IL15RA: variants seen among roughly 807,000 people sequenced by gnomAD.
The protein encoded by IL15RA is interleukin-15 receptor subunit alpha.
A neutral mutation model predicts 24.2 loss-of-function variants in IL15RA; 26 were observed. That is an observed-to-expected ratio of 1.07 (90% CI 0.79 to 1.49). The LOEUF (loss-of-function observed/expected upper bound fraction) is 1.49. IL15RA is among the 40% of genes most tolerant of loss of function. IL15RA has a pLI of 0.00. For synonymous variants in IL15RA, 166 were observed against 157.6 expected (o/e 1.05, Z -0.40); for missense variants, 354 against 356.4 (o/e 0.99, Z 0.05).
At position 5,953,349 on chromosome 10, in the gene IL15RA, A is replaced by C. The variant is rs1188966055; in HGVS notation, c.693-143T>G. 4 of 724,770 alleles carry C rather than the reference A, an allele frequency of 5.5e-6. No individual in the cohort carries two copies. The highest frequency in any genetic ancestry group is 1.0e-5 in the Non-Finnish European group (4 of 391,726). The allele number at this position is 724,770 out of a possible 1,614,324, so 44.9% of individuals were successfully genotyped here. ...GCCCTGCCACGGGAGTCAGACAGAG[A>C]GCACTTAGTCCTCAGAGATGGAGAG... On this transcript the variant is annotated intron_variant, in intron 6 of 6. Transcript: ENST00000379977. The surrounding 1 kb of genome is among the most constrained non-coding windows in gnomAD (Gnocchi z 5.3).
At position 5,967,863 on chromosome 10, in the gene IL15RA, A is replaced by G. The variant is rs1836852255; in HGVS notation, c.89-1524T>C. On this transcript the variant is annotated intron_variant, in intron 1 of 6. Coordinates refer to ENST00000379977, the MANE Select transcript of IL15RA (RefSeq NM_002189.4). This position sits in a 1 kb window ranked among gnomAD's most constrained non-coding sequence, Gnocchi z 4.4. ...CACCTGAGGTCAGGAGTTCAGGACCAGCCTGGCTAACATGGTGAAAGCCCG... is the reference window on the plus strand; with the variant it reads ...CACCTGAGGTCAGGAGTTCAGGACCGGCCTGGCTAACATGGTGAAAGCCCG... Among the ~76,000 whole-genome samples, 1 of 152,152 alleles carries G rather than the reference A, an allele frequency of 6.6e-6. No individual in the cohort carries two copies. The highest frequency in any genetic ancestry group is 6.5e-5 in the Admixed American group (1 of 15,274).
rs1269461947 is a variant in IL15RA at position 5,964,910 on chromosome 10, C to G, written c.284-1069G>C. The stretch of plus-strand genomic sequence containing the variant: ...GTCCCCAGCGAGTGATTTCTTGGAA[C>G]AAGTCGGAGGCTTCCTCCCTGCCTT... On this transcript the variant is annotated intron_variant, in intron 2 of 6. Coordinates refer to ENST00000379977, the MANE Select transcript of IL15RA (RefSeq NM_002189.4). The surrounding 1 kb of genome is among the most constrained non-coding windows in gnomAD (Gnocchi z 5.6). Among the ~76,000 whole-genome samples, 1 of 152,222 alleles carries G rather than the reference C, an allele frequency of 6.6e-6. No individual in the cohort carries two copies. Among genetic ancestry groups the G allele is most frequent in the Non-Finnish European group, 1.5e-5 (1 of 68,046 alleles).
Position 5,960,611 on chromosome 10 carries a change from C to G in IL15RA, c.383-44G>C, listed in dbSNP as rs775991308. ...CAGGGACAACATCAGTGTGCAGACT[C>G]CCCTCCTCTCAGCTGCAGCACGGGG... On this transcript the variant is annotated intron_variant, in intron 3 of 6. Coordinates refer to ENST00000379977, the MANE Select transcript of IL15RA (RefSeq NM_002189.4). This position sits in a 1 kb window ranked among gnomAD's most constrained non-coding sequence, Gnocchi z 5.1. 9.8e-6 allele frequency: 15 copies of G among 1,531,132 alleles called. No homozygotes were observed. The African/African-American group carries it at 1.9e-4, about 19-fold the overall frequency. 94.8% of individuals were successfully genotyped at this position (1,531,132 alleles called of 1,614,324 possible).
chr10:5,978,051 C>CGGTGCGGAGGCGCGGGCACCTGCCT (rs1164344178), upstream of IL15RA: 5 of 153,312 alleles, frequency 3.3e-5, no homozygotes, highest in Admixed American at 2.6e-4. The surrounding 1 kb of genome is among the most constrained non-coding windows in gnomAD (Gnocchi z 5.2). Context: ...GGTGTCGCCG[C>CGGTGCGGAGGCGCGGGCACCTGCCT]GGTGCGGAGG....
At chr10:5,976,284 C>T (rs1489196696) in intron 1 of IL15RA, among the ~76,000 whole-genome samples, 1 of 81,734 alleles carries the variant, frequency 1.2e-5, no homozygotes, top group Admixed American at 1.5e-4. Context: ...GTGGGGGTGG[C>T]AGAGGGTGGG....
chr10:5,966,322 G>A lies in IL15RA; in HGVS notation c.106C>T (p.Pro36Ser). 3 of 1,608,886 alleles carry A rather than the reference G, an allele frequency of 1.9e-6. No homozygotes were observed. Among genetic ancestry groups the A allele is most frequent in the South Asian group, 1.1e-5 (1 of 90,998 alleles). ...PATRGITCPP[P>S]MSVEHADIWV... ...ATGTCTGCGTGTTCCACGGACATGG[G>A]GGGAGGGCACGTGATGCCTGCGAAA... Residue 36 changes from proline (P) to serine (S), a missense_variant, in exon 2 of 7, where the codon CCC becomes TCC. Coordinates refer to ENST00000379977, the MANE Select transcript of IL15RA (RefSeq NM_002189.4). The surrounding 1 kb of genome is among the most constrained non-coding windows in gnomAD (Gnocchi z 6.4).
chr10:5,959,865 G>T lies in IL15RA; in HGVS notation c.584-79C>A. 7.1e-7 allele frequency: 1 copy of T among 1,408,668 alleles called. No homozygotes were observed. The highest frequency in any genetic ancestry group is 1.0e-6 in the Non-Finnish European group (1 of 1,000,128). 87.3% of individuals were successfully genotyped at this position (1,408,668 alleles called of 1,614,324 possible). A position where few individuals can be genotyped will look rare whatever the true frequency, so the allele number is the denominator to read the frequency against. ...TCATGAAGCAGGAGAAAATCTGCAT[G>T]GCTTGGCTCCCATCTTAGCACCCTG... On this transcript the variant is annotated intron_variant, in intron 4 of 6. Transcript: ENST00000379977. This position sits in a 1 kb window ranked among gnomAD's most constrained non-coding sequence, Gnocchi z 4.1.
rs1472462837 is a variant in IL15RA at position 5,953,483 on chromosome 10, G to T, written c.693-277C>A. ...TTTAGGAGGCTGTCGTGGGAGGATC[G>T]CTTGAGCCCAGAAGTTCAAGACCAA... On this transcript the variant is annotated intron_variant, in intron 6 of 6. Coordinates refer to ENST00000379977, the MANE Select transcript of IL15RA (RefSeq NM_002189.4). The surrounding 1 kb of genome is among the most constrained non-coding windows in gnomAD (Gnocchi z 5.3). Among the ~76,000 whole-genome samples, 1 of 152,064 alleles carries T rather than the reference G, an allele frequency of 6.6e-6. No homozygotes were observed. Among genetic ancestry groups the T allele is most frequent in the Admixed American group, 6.6e-5 (1 of 15,262 alleles).
In IL15RA at chr10:5,966,413, C is replaced by A; in HGVS notation, c.89-74G>T. 2.4e-6 allele frequency: 3 copies of A among 1,262,642 alleles called. No individual in the cohort carries two copies. Among genetic ancestry groups the A allele is most frequent in the African/African-American group, 1.5e-5 (1 of 68,426 alleles). 78.2% of individuals were successfully genotyped at this position (1,262,642 alleles called of 1,614,324 possible). ...AGAGGCGTTCTCCAGGCACACGCAG[C>A]GGTAGTCAGTGTCCAGCTTATCCTA... On this transcript the variant is annotated intron_variant, in intron 1 of 6. Coordinates refer to ENST00000379977, the MANE Select transcript of IL15RA (RefSeq NM_002189.4). The surrounding 1 kb of genome is among the most constrained non-coding windows in gnomAD (Gnocchi z 6.4).
Position 5,971,592 on chromosome 10 carries a change from A to G in IL15RA, c.89-5253T>C, listed in dbSNP as rs183351415. ...CTTACAGCACCTTTCAAATGCCTGC[A>G]CGAGCTAAGGGTGGTAGGATTCAGA... On this transcript the variant is annotated intron_variant, in intron 1 of 6. Coordinates refer to ENST00000379977, the MANE Select transcript of IL15RA (RefSeq NM_002189.4). The surrounding 1 kb of genome is among the most constrained non-coding windows in gnomAD (Gnocchi z 5.5). Among the ~76,000 whole-genome samples the G allele has an allele frequency of 6.6e-5, 10 of 152,330 alleles. No homozygotes were observed. The highest frequency in any genetic ancestry group is 5.2e-4 in the Admixed American group (8 of 15,298).
At chr10:5,977,833 A>G, upstream of IL15RA, 1 of 396,822 alleles carries the variant, frequency 2.5e-6, no homozygotes, top group East Asian at 3.6e-5. Flanking sequence ...TGGGACCTCC[A>G]GTGTGCACTC....
At position 5,966,078 on chromosome 10, in the gene IL15RA, G is replaced by T; in HGVS notation, c.283+67C>A. The T allele has an allele frequency of 1.8e-6, 2 of 1,137,084 alleles. No homozygotes were observed. The highest frequency in any genetic ancestry group is 2.6e-6 in the Non-Finnish European group (2 of 766,340). 70.4% of individuals were successfully genotyped at this position (1,137,084 alleles called of 1,614,324 possible). On this transcript the variant is annotated intron_variant, in intron 2 of 6. Transcript: ENST00000379977. The surrounding 1 kb of genome is among the most constrained non-coding windows in gnomAD (Gnocchi z 6.4). Reference sequence around the variant, plus strand: ...CAGATCCCTTGACCCCTGAGATGGGGTCTTCTCTCTGTGCAGCCTTGGCAG... The same window carrying T: ...CAGATCCCTTGACCCCTGAGATGGGTTCTTCTCTCTGTGCAGCCTTGGCAG...
chr10:5,952,076 A>G (rs1833915406), downstream of IL15RA, among the ~76,000 whole-genome samples: 2 of 152,348 alleles, frequency 1.3e-5, no homozygotes, highest in East Asian at 1.9e-4. Context: ...GGTTAGGCCC[A>G]TGATTTTAGA....
In IL15RA at chr10:5,970,769, ATTT is replaced by A. The variant is rs925641871; in HGVS notation, c.89-4433_89-4431del. On this transcript the variant is annotated intron_variant, in intron 1 of 6. Transcript: ENST00000379977. This position sits in a 1 kb window ranked among gnomAD's most constrained non-coding sequence, Gnocchi z 4.1. Reference sequence around the variant, plus strand: ...ATTTTATTTTATTTTATTTTATTTTATTTTATTTTGAGACAGGGTCTAGCTCTG... The same window carrying A: ...ATTTTATTTTATTTTATTTTATTTTATATTTTGAGACAGGGTCTAGCTCTG... Among the ~76,000 whole-genome samples, 1 of 137,570 alleles carries A rather than the reference ATTT, an allele frequency of 7.3e-6. No homozygotes were observed. The highest frequency in any genetic ancestry group is 2.6e-5 in the African/African-American group (1 of 38,042). 90.3% of individuals were successfully genotyped at this position (137,570 alleles called of 152,430 possible). A position where few individuals can be genotyped will look rare whatever the true frequency, so the allele number is the denominator to read the frequency against.
chr10:5,970,736 A>ATTATTTTATT lies in IL15RA; in HGVS notation c.89-4407_89-4398dup, dbSNP rs55906065. Reference sequence around the variant, plus strand: ...TAAAATGATTTTATTTTATTTCATTATTATTTTATTTTATTTTATTTTATT... The same window carrying ATTATTTTATT: ...TAAAATGATTTTATTTTATTTCATTATTATTTTATTTTATTTTATTTTATTTTATTTTATT... On this transcript the variant is annotated intron_variant, in intron 1 of 6. Transcript: ENST00000379977. This position sits in a 1 kb window ranked among gnomAD's most constrained non-coding sequence, Gnocchi z 4.1. Among the ~76,000 whole-genome samples, 759 of 143,652 alleles carry ATTATTTTATT rather than the reference A, an allele frequency of 5.3e-3. 11 individuals are homozygous for ATTATTTTATT. Among genetic ancestry groups the ATTATTTTATT allele is most frequent in the East Asian group, 0.046 (224 of 4,914 alleles). The allele number at this position is 143,652 out of a possible 152,430, so 94.2% of individuals were successfully genotyped here. A position where few individuals can be genotyped will look rare whatever the true frequency, so the allele number is the denominator to read the frequency against.
At chr10:5,974,006 CAG>C (rs1838017287) in intron 1 of IL15RA, among the ~76,000 whole-genome samples, 1 of 148,322 alleles carries the variant, frequency 6.7e-6, no homozygotes, top group Admixed American at 6.7e-5. Context: ...AAGACAGAGT[CAG>C]AAAAAAAAAA....
In IL15RA at chr10:5,966,319, T is replaced by A; in HGVS notation, c.109A>T (p.Met37Leu). The A allele has an allele frequency of 1.9e-6, 3 of 1,608,766 alleles. No individual in the cohort carries two copies. The African/African-American group carries it at 4.0e-5, about 21-fold the overall frequency. The change falls in exon 2 of 7, where the codon ATG (methionine) becomes TTG (leucine). Residue 37 changes from methionine (M) to leucine (L), a missense_variant. By Grantham distance (15) the Met-to-Leu change is conservative. Coordinates refer to ENST00000379977, the MANE Select transcript of IL15RA (RefSeq NM_002189.4). The surrounding 1 kb of genome is among the most constrained non-coding windows in gnomAD (Gnocchi z 6.4). The stretch of plus-strand genomic sequence containing the variant: ...CAGATGTCTGCGTGTTCCACGGACA[T>A]GGGGGGAGGGCACGTGATGCCTGCG... ...ATRGITCPPP[M>L]SVEHADIWVK...
Position 5,969,224 on chromosome 10 carries a change from T to TTTAAA in IL15RA, c.89-2890_89-2886dup, listed in dbSNP as rs964343578. 5.3e-5 allele frequency among the ~76,000 whole-genome samples: 8 copies of TTTAAA among 150,466 alleles called. No individual in the cohort carries two copies. In the East Asian group the frequency reaches 9.7e-4, roughly 18 times the overall value. ...CTAGATCCTTTACTGTTTTTTTGTTTTTAAATTAAATTAAATTAATTTTTT... is the reference window on the plus strand; with the variant it reads ...CTAGATCCTTTACTGTTTTTTTGTTTTTAAATTAAATTAAATTAAATTAATTTTTT... On this transcript the variant is annotated intron_variant, in intron 1 of 6. Coordinates refer to ENST00000379977, the MANE Select transcript of IL15RA (RefSeq NM_002189.4).
At chr10:5,974,098 C>T (rs1051247673) in intron 1 of IL15RA, among the ~76,000 whole-genome samples, 3 of 152,134 alleles carry the variant, frequency 2.0e-5, no homozygotes, top group African/African-American at 7.2e-5. Context: ...CTCCAGGGTT[C>T]AAGCGATTCT....
Sources: gnomAD v4.1 joint callset for allele counts (sites outside exome capture counted in the v4.1 genomes callset) on GRCh38, gnomAD v4.1.1 for gene constraint, Gnocchi (gnomAD v3.1) non-coding constraint, MANE v1.5 for transcripts, NCBI Gene and HGNC (gene_info 2026-07-23, HGNC 2026-07-21) for gene names.